Variants in AANAT observed in about 807,000 individuals in gnomAD.
The protein encoded by AANAT is aralkylamine N-acetyltransferase, also known as serotonin N-acetyltransferase.
In AANAT, 11 loss-of-function variants were observed where a neutral mutation model predicts 15.6. That is an observed-to-expected ratio of 0.71 (90% CI 0.44 to 1.17). The LOEUF is 1.17. Ranked by LOEUF, AANAT falls within the 50% of genes most tolerant of loss-of-function variation. The pLI is 0.00. For missense variants in AANAT, 286 were observed against 296.3 expected, an observed-to-expected ratio of 0.97 and a Z score of 0.26; for synonymous variants, 139 against 131.5, an observed-to-expected ratio of 1.06 and a Z score of -0.39.
rs142200181 is a variant in AANAT at position 76,461,973 on chromosome 17, G to A, written c.-455-343G>A. The stretch of plus-strand genomic sequence containing the variant: ...ATACAGAGGAGGCCCCTGGGGAGAA[G>A]CGGGAGCCATCCAGGGACAGAGGTT... On this transcript the variant is annotated intron_variant, in intron 2 of 6. Transcript: ENST00000250615. Among the ~76,000 whole-genome samples the A allele has an allele frequency of 3.0e-4, 46 of 152,328 alleles. 1 individual carries two copies. The East Asian group carries it at 8.9e-3, about 29-fold the overall frequency.
At chr17:76,461,484 C>T (rs2073387375) in intron 2 of AANAT, among the ~76,000 whole-genome samples, 1 of 151,756 alleles carries the variant, frequency 6.6e-6, no homozygotes, top group African/African-American at 2.4e-5. Flanking sequence ...GTGGTGGGCA[C>T]CTGTAATCCC....
Position 76,469,252 on chromosome 17 carries a change from C to T in AANAT, c.243C>T (p.Ser81=). ...RHFLTLCPEL[S]LGWFEEGCLV... Reference sequence around the variant, plus strand: ...TCCTGACCCTATGTCCAGAGCTGTCCCTGGGCTGGTTCGAGGAGGGCTGCC... The same window carrying T: ...TCCTGACCCTATGTCCAGAGCTGTCTCTGGGCTGGTTCGAGGAGGGCTGCC... Residue 81 remains serine, a synonymous_variant, in exon 3 of 4, where the codon TCC becomes TCT. Transcript: ENST00000392492. The surrounding 1 kb of genome is among the most constrained non-coding windows in gnomAD (Gnocchi z 5.2). 6.2e-7 allele frequency: 1 copy of T among 1,614,160 alleles called. No individual in the cohort carries two copies. The highest frequency in any genetic ancestry group is 8.5e-7 in the Non-Finnish European group (1 of 1,180,016).
At chr17:76,461,026 G>A (rs540637531) in intron 2 of AANAT, among the ~76,000 whole-genome samples, 35 of 151,726 alleles carry the variant, frequency 2.3e-4, no homozygotes, top group South Asian at 1.9e-3. Context: ...ATAGCCAGGC[G>A]TGGTGGCATG....
chr17:76,461,603 ACC>A, intron 2 of AANAT, among the ~76,000 whole-genome samples: 1 of 83,856 alleles, frequency 1.2e-5, no homozygotes, highest in African/African-American at 5.4e-5. Flanking sequence ...GTGAGCCTCC[ACC>A]AAAAAAAAAA....
Position 76,468,595 on chromosome 17 carries a change from G to C in AANAT, c.-75-77G>C. 2.3e-6 allele frequency: 3 copies of C among 1,304,084 alleles called. No individual in the cohort carries two copies. The South Asian group carries it at 4.5e-5, about 19-fold the overall frequency. The allele number at this position is 1,304,084 out of a possible 1,614,324, so 80.8% of individuals were successfully genotyped here. ...CTCCACCCCAGTTCCTGCTACAAAA[G>C]AGGCCAGATACATACTCTGGGGCCT... On this transcript the variant is annotated intron_variant, in intron 1 of 3. Transcript: ENST00000392492.
rs550336086 is a variant in AANAT, at chr17:76,456,768, G to A, written c.-575-2479G>A. Among the ~76,000 whole-genome samples the A allele has an allele frequency of 2.6e-5, 4 of 152,256 alleles. No individual in the cohort carries two copies. The South Asian group carries it at 8.3e-4, about 32-fold the overall frequency. ...TTATTAAGCACATATTATTGACCAG[G>A]CATTGTACCAGGTACTTCCAAGCAC... is the stretch of plus-strand genomic sequence containing the variant. On this transcript the variant is annotated intron_variant, in intron 1 of 6. Transcript: ENST00000250615.
upstream of AANAT, among the ~76,000 whole-genome samples, chr17:76,463,866 A>G (rs1245569744): frequency 6.6e-6 from 1 of 152,090 alleles, no homozygotes; most frequent in Admixed American, 6.6e-5. Context: ...TACTGTCATG[A>G]TATCAGTTAT....
chr17:76,460,028 T>C (rs1310930559), intron 2 of AANAT, among the ~76,000 whole-genome samples: 1 of 151,912 alleles, frequency 6.6e-6, no homozygotes, highest in South Asian at 2.1e-4. Context: ...AGAAGGTGCA[T>C]GTGGCCTTTC....
chr17:76,455,820 C>T (rs1189706176), intron 1 of AANAT, among the ~76,000 whole-genome samples: 1 of 151,880 alleles, frequency 6.6e-6, no homozygotes, highest in Non-Finnish European at 1.5e-5. Context: ...TCAAGAGCAC[C>T]CTGGCCAACA....
In AANAT at chr17:76,469,360, G is replaced by A. The variant is rs754669497; in HGVS notation, c.318+33G>A. Reference sequence around the variant, plus strand: ...CAGGGCTGCGACGCCCAGCTCCAGGGAGGCCTCTGAAGACAGAGGTCAGCC... The same window carrying A: ...CAGGGCTGCGACGCCCAGCTCCAGGAAGGCCTCTGAAGACAGAGGTCAGCC... On this transcript the variant is annotated intron_variant, in intron 3 of 3. Coordinates refer to ENST00000392492, the MANE Select transcript of AANAT (RefSeq NM_001088.3). The surrounding 1 kb of genome is among the most constrained non-coding windows in gnomAD (Gnocchi z 5.2). The A allele has an allele frequency of 1.2e-6, 2 of 1,611,854 alleles. No individual in the cohort carries two copies. Among genetic ancestry groups the A allele is most frequent in the African/African-American group, 1.3e-5 (1 of 74,926 alleles).
At chr17:76,456,074 G>A (rs1213442070) in intron 1 of AANAT, among the ~76,000 whole-genome samples, 1 of 152,184 alleles carries the variant, frequency 6.6e-6, no homozygotes, top group African/African-American at 2.4e-5. Flanking sequence ...GCTCACGCCT[G>A]TAATCCCAGC....
chr17:76,459,024 C>T (rs1476770736), intron 1 of AANAT, among the ~76,000 whole-genome samples: 1 of 152,210 alleles, frequency 6.6e-6, no homozygotes, highest in Non-Finnish European at 1.5e-5. Context: ...CTGCTCCTTG[C>T]ACAGGTGCCC....
At chr17:76,453,527 T>G in exon 1 of AANAT, 1 of 174,106 alleles carries the variant, frequency 5.7e-6, no homozygotes, top group Non-Finnish European at 1.2e-5. Context: ...CTTGGCGTCC[T>G]AGCCTAGCCC....
chr17:76,467,008 G>A (rs1027262540), upstream of AANAT, among the ~76,000 whole-genome samples: 8 of 152,140 alleles, frequency 5.3e-5, no homozygotes, highest in Non-Finnish European at 2.9e-5. Flanking sequence ...GAAGAGCTAA[G>A]GGGTGCAGGA....
At chr17:76,464,148 C>T (rs1354543216), upstream of AANAT, among the ~76,000 whole-genome samples, 3 of 152,108 alleles carry the variant, frequency 2.0e-5, no homozygotes, top group Non-Finnish European at 4.4e-5. Context: ...TGAGACCAGC[C>T]TGACCAATAT....
intron 1 of AANAT, chr17:76,453,809 G>C (rs2073307377): frequency 6.6e-6 from 1 of 152,218 alleles, no homozygotes; most frequent in Non-Finnish European, 1.5e-5. Flanking sequence ...TGGTCCCAGT[G>C]GTTTGGCTAC....
chr17:76,455,221 G>A (rs1214694311), intron 1 of AANAT, among the ~76,000 whole-genome samples: 1 of 152,198 alleles, frequency 6.6e-6, no homozygotes, highest in Non-Finnish European at 1.5e-5. Flanking sequence ...GGATGCCAAG[G>A]TGGGTGGATC....
In AANAT at chr17:76,469,188, T is replaced by G; in HGVS notation, c.179T>G (p.Leu60Trp). 6.2e-7 allele frequency: 1 copy of G among 1,614,104 alleles called. No homozygotes were observed. Residue 60 changes from leucine (L) to tryptophan (W), a missense_variant, in exon 3 of 4, where the codon TTG becomes TGG. By Grantham distance (61) the Leu-to-Trp change is moderately conservative (BLOSUM62 -2). Coordinates refer to ENST00000392492, the MANE Select transcript of AANAT (RefSeq NM_001088.3). The surrounding 1 kb of genome is among the most constrained non-coding windows in gnomAD (Gnocchi z 5.2). The stretch of plus-strand genomic sequence containing the variant: ...CCTGCCACAGCCTTCATCTCCGTCT[T>G]GGGCGTCTGCCCCCTGTACCTGGAT... ...EIEREAFISV[L>W]GVCPLYLDEI...
chr17:76,464,184 TA>T (rs1356609799), upstream of AANAT, among the ~76,000 whole-genome samples: 4 of 150,906 alleles, frequency 2.7e-5, no homozygotes, highest in African/African-American at 9.8e-5. Flanking sequence ...CTAGGAAAAA[TA>T]AAAAAAATTA....
Sources: allele counts gnomAD v4.1 joint callset (sites outside exome capture counted in the v4.1 genomes callset), GRCh38; gene constraint gnomAD v4.1.1; non-coding constraint Gnocchi (gnomAD v3.1); transcripts MANE v1.5; gene names NCBI Gene and HGNC (gene_info 2026-07-23, HGNC 2026-07-21).